Variants in ZDHHC11 observed in about 807,000 individuals in gnomAD.
ZDHHC11 encodes the protein zDHHC palmitoyltransferase 11.
A neutral mutation model predicts 51.3 loss-of-function variants in ZDHHC11; 44 were observed. The observed-to-expected ratio is 0.86, with a 90% CI of 0.67 to 1.10. The LOEUF is 1.10. ZDHHC11 is among the 50% of genes least tolerant of loss of function. The pLI, the probability that ZDHHC11 is intolerant of heterozygous loss-of-function variation, is 0.00. For missense variants in ZDHHC11, 400 were observed against 537.7 expected (o/e 0.74, Z 2.53); for synonymous variants, 163 against 222.0 (o/e 0.73, Z 2.36).
intron 9 of ZDHHC11, among the ~76,000 whole-genome samples, chr5:819,887 A>G (rs1354662047): frequency 6.6e-6 from 1 of 151,220 alleles, no homozygotes; most frequent in Non-Finnish European, 1.5e-5. Context: ...CCCACCCTAG[A>G]CCAGTGCCTT....
chr5:851,296 G>A (rs1427325702), upstream of ZDHHC11, among the ~76,000 whole-genome samples: 4 of 152,160 alleles, frequency 2.6e-5, no homozygotes, highest in Admixed American at 1.3e-4. Context: ...GTGGCTGGGA[G>A]GTTCTGAACA....
intron 6 of ZDHHC11, among the ~76,000 whole-genome samples, chr5:834,360 T>G (rs535950165): frequency 7.2e-4 from 109 of 152,388 alleles, no homozygotes; most frequent in Non-Finnish European, 1.3e-3. Context: ...GTATGTATTT[T>G]TATTTATTTT....
At chr5:802,809 T>C (rs1344216742) in intron 11 of ZDHHC11, among the ~76,000 whole-genome samples, 3 of 96,984 alleles carry the variant, frequency 3.1e-5, no homozygotes, top group Non-Finnish European at 5.8e-5. Flanking sequence ...CTGTCTCTAC[T>C]AAAAATACAA....
intron 12 of ZDHHC11, among the ~76,000 whole-genome samples, chr5:797,343 C>G (rs936415215): frequency 4.6e-5 from 7 of 151,738 alleles, no homozygotes; most frequent in Non-Finnish European, 1.0e-4. Flanking sequence ...TTGGTGTCTT[C>G]TAACAATGTT....
intron 10 of ZDHHC11, 28 bp from the exon 11 acceptor site, chr5:814,823 T>C (rs1163522818): frequency 1.9e-5 from 29 of 1,525,610 alleles, no homozygotes; most frequent in South Asian, 3.9e-5. Flanking sequence ...GCAAAATTCA[T>C]AGGATGAACA....
At chr5:850,271 C>T in intron 1 of ZDHHC11, 110 bp downstream of exon 1, 1 of 1,254,968 alleles carries the variant, frequency 8.0e-7, no homozygotes, top group South Asian at 1.4e-5. Flanking sequence ...TGGCCCAGGG[C>T]AGGTGACTGG....
chr5:801,993 A>G (rs768214756), intron 11 of ZDHHC11, among the ~76,000 whole-genome samples: 6 of 151,464 alleles, frequency 4.0e-5, no homozygotes, highest in Non-Finnish European at 5.9e-5. Context: ...CTTGGATCAG[A>G]AATGATGACT....
chr5:854,665 G>C (rs1475985629), upstream of ZDHHC11, among the ~76,000 whole-genome samples: 1 of 150,116 alleles, frequency 6.7e-6, no homozygotes, highest in Non-Finnish European at 1.5e-5. Context: ...AGGACAGTGA[G>C]CTGGGGGCAC....
intron 11 of ZDHHC11, among the ~76,000 whole-genome samples, chr5:803,704 C>T (rs1738819588): frequency 6.6e-6 from 1 of 150,936 alleles, no homozygotes; most frequent in Non-Finnish European, 1.5e-5. Context: ...ATTAAATCAG[C>T]TGTCTTAAAT....
intron 4 of ZDHHC11, chr5:843,374 G>C (rs1745385037): frequency 1.4e-6 from 1 of 728,366 alleles, no homozygotes; most frequent in Non-Finnish European, 2.2e-6. Context: ...CATCTACAGA[G>C]CAGCGTGGCC....
At chr5:824,083 G>GT (rs1195235812) in intron 8 of ZDHHC11, 1 of 455,048 alleles carries the variant, frequency 2.2e-6, no homozygotes, top group South Asian at 1.6e-5. Flanking sequence ...GGGAAGTGTG[G>GT]TGAGGTGGCC....
chr5:824,549 G>A (rs577860143), intron 8 of ZDHHC11, among the ~76,000 whole-genome samples: 6 of 151,584 alleles, frequency 4.0e-5, no homozygotes, highest in Non-Finnish European at 5.9e-5. Flanking sequence ...CGGCAGCCGC[G>A]CTGGTCTTTT....
intron 7 of ZDHHC11, among the ~76,000 whole-genome samples, chr5:827,881 C>T (rs982507984): frequency 6.6e-6 from 1 of 150,944 alleles, no homozygotes. Flanking sequence ...GCAGAGGACC[C>T]AGCGGCCTTC....
intron 1 of ZDHHC11, among the ~76,000 whole-genome samples, chr5:849,112 C>T (rs1428065655): frequency 6.6e-6 from 1 of 152,170 alleles, no homozygotes; most frequent in Admixed American, 6.5e-5. Context: ...CACCCGTCGG[C>T]CCTGCACACA....
upstream of ZDHHC11, among the ~76,000 whole-genome samples, chr5:854,146 CG>C (rs1747763832): frequency 7.9e-6 from 1 of 126,470 alleles, no homozygotes; most frequent in African/African-American, 3.1e-5. Flanking sequence ...CAGAGGACAG[CG>C]AGCCGGGGGG....
At chr5:827,837 A>T (rs1316050097) in intron 7 of ZDHHC11, among the ~76,000 whole-genome samples, 5 of 150,894 alleles carry the variant, frequency 3.3e-5, no homozygotes, top group South Asian at 2.1e-4. Flanking sequence ...GGTCAACAGA[A>T]AAACAAGTGA....
intron 10 of ZDHHC11, among the ~76,000 whole-genome samples, chr5:818,177 G>T (rs1187507638): frequency 6.6e-6 from 1 of 151,278 alleles, no homozygotes; most frequent in African/African-American, 2.4e-5. Context: ...TCTACACCGA[G>T]ATGCTGCAGA....
chr5:860,162 G>A (rs1004693295), upstream of ZDHHC11, among the ~76,000 whole-genome samples: 2 of 152,208 alleles, frequency 1.3e-5, no homozygotes, highest in Non-Finnish European at 2.9e-5. The surrounding 1 kb of genome is among the most constrained non-coding windows in gnomAD (Gnocchi z 4.2). Flanking sequence ...GGGTGCCCAG[G>A]ACGACATGGG....
intron 7 of ZDHHC11, among the ~76,000 whole-genome samples, chr5:827,956 G>A (rs1038015069): frequency 2.0e-5 from 3 of 151,000 alleles, no homozygotes; most frequent in East Asian, 3.9e-4. Flanking sequence ...TGAGCATGCT[G>A]CCTTCAAGCA....
Sources: allele counts gnomAD v4.1 joint callset (sites outside exome capture counted in the v4.1 genomes callset), GRCh38; gene constraint gnomAD v4.1.1; non-coding constraint Gnocchi (gnomAD v3.1); transcripts MANE v1.5; gene names NCBI Gene and HGNC (gene_info 2026-07-23, HGNC 2026-07-21).